Variants in LARP1B observed in about 807,000 individuals in gnomAD.
LARP1B encodes the protein La ribonucleoprotein 1B.
Under a neutral mutation model 114.2 loss-of-function variants are expected in LARP1B, and 76 were observed. That is an observed-to-expected ratio of 0.67 (90% CI 0.55 to 0.81). LARP1B has a LOEUF of 0.81. Among genes scored for constraint, LARP1B ranks in the 30% least tolerant of loss-of-function variants. The pLI is 0.00. For missense variants in LARP1B, 1,014 were observed against 1,075.8 expected (o/e 0.94, Z 0.80); for synonymous variants, 345 against 348.0 (o/e 0.99, Z 0.10).
At chr4:128,076,680 A>G (rs1368974359) in intron 3 of LARP1B, among the ~76,000 whole-genome samples, 3 of 152,134 alleles carry the variant, frequency 2.0e-5, no homozygotes, top group Admixed American at 2.0e-4. Flanking sequence ...CACTTCTATC[A>G]GCAGTGTACA....
chr4:128,209,776 T>TG (rs1758642303), intron 19 of LARP1B, 80 bp from the exon 20 acceptor site: 1 of 1,174,788 alleles, frequency 8.5e-7, no homozygotes, highest in African/African-American at 1.5e-5. Flanking sequence ...CTTACTTTTT[T>TG]GGGGAAAAGT....
intron 19 of LARP1B, among the ~76,000 whole-genome samples, chr4:128,209,166 C>T (rs945475076): frequency 3.9e-5 from 6 of 152,150 alleles, no homozygotes; most frequent in Non-Finnish European, 7.4e-5. Flanking sequence ...TGCCTGTAAT[C>T]TCAGCACTTT....
In LARP1B at chr4:128,155,743, G is replaced by T. The variant is rs527398753; in HGVS notation, c.1525-6451G>T. 8.7e-6 allele frequency: 14 copies of T among 1,608,492 alleles called. No homozygotes were observed. The South Asian group carries it at 1.5e-4, about 18-fold the overall frequency. On this transcript the variant is annotated intron_variant, in intron 11 of 19. Transcript: ENST00000326639. ...AAGGCCCGAGCGGAACAAGCTGGCT[G>T]CGGCCAAGTGTAGGAACTGGAGGAA...
At chr4:128,209,728 A>G (rs894181785) in intron 19 of LARP1B, 128 bp from the exon 20 acceptor site, 96 of 713,540 alleles carry the variant, frequency 1.3e-4, no homozygotes, top group African/African-American at 1.0e-3. Flanking sequence ...ATCAAAAAAA[A>G]AAAAAAAAAA....
intron 12 of LARP1B, among the ~76,000 whole-genome samples, chr4:128,166,991 T>C (rs4541525): frequency 0.3 from 41,913 of 138,274 alleles, 6,569 homozygotes; most frequent in East Asian, 0.42. Flanking sequence ...TATATATATA[T>C]ATACACACAC....
chr4:128,121,564 G>A (rs1002273061), intron 10 of LARP1B, among the ~76,000 whole-genome samples: 1 of 152,198 alleles, frequency 6.6e-6, no homozygotes, highest in African/African-American at 2.4e-5. Flanking sequence ...ATGAATCAGT[G>A]CAATGTAATG....
intron 1 of LARP1B, among the ~76,000 whole-genome samples, chr4:128,073,277 A>G (rs897064414): frequency 6.6e-6 from 1 of 151,582 alleles, no homozygotes; most frequent in Non-Finnish European, 1.5e-5. Context: ...TTAGCCAGGC[A>G]TGGTGGCAGG....
At chr4:128,098,767 A>ATATATTTTT (rs1328165907) in intron 8 of LARP1B, among the ~76,000 whole-genome samples, 19 of 35,032 alleles carry the variant, frequency 5.4e-4, no homozygotes, top group African/African-American at 2.1e-3. Flanking sequence ...ATATATATAT[A>ATATATTTTT]TTTTTTTTTT....
intron 12 of LARP1B, among the ~76,000 whole-genome samples, chr4:128,175,144 A>T (rs1745357771): frequency 6.6e-6 from 1 of 152,136 alleles, no homozygotes; most frequent in South Asian, 2.1e-4. Flanking sequence ...TCTTCTTCAT[A>T]TCATTTAGTA....
chr4:128,085,178 C>T (rs1361033451), intron 5 of LARP1B, among the ~76,000 whole-genome samples: 1 of 152,052 alleles, frequency 6.6e-6, no homozygotes, highest in African/African-American at 2.4e-5. Flanking sequence ...GATTATTAAC[C>T]TTGATTACTT....
intron 5 of LARP1B, among the ~76,000 whole-genome samples, chr4:128,083,233 G>T (rs1045436452): frequency 6.6e-6 from 1 of 152,140 alleles, no homozygotes; most frequent in Non-Finnish European, 1.5e-5. Context: ...CACAGACACG[G>T]CAACCATCCG....
chr4:128,171,411 G>T (rs1743654642), intron 12 of LARP1B, among the ~76,000 whole-genome samples: 1 of 152,066 alleles, frequency 6.6e-6, no homozygotes, highest in Non-Finnish European at 1.5e-5. Context: ...GGGATTATAG[G>T]CATGAATCAC....
intron 15 of LARP1B, among the ~76,000 whole-genome samples, chr4:128,185,899 A>G (rs1256138813): frequency 6.6e-6 from 1 of 152,060 alleles, no homozygotes; most frequent in Non-Finnish European, 1.5e-5. Flanking sequence ...CATTATGGTT[A>G]TCTAGTTTTC....
chr4:128,184,171 G>A (rs188821662), intron 15 of LARP1B, among the ~76,000 whole-genome samples: 1 of 152,326 alleles, frequency 6.6e-6, no homozygotes, highest in African/African-American at 2.4e-5. Context: ...ATTTTCAAAG[G>A]AGTTCTACTG....
chr4:128,195,580 G>A (rs1753801841), intron 15 of LARP1B, among the ~76,000 whole-genome samples: 1 of 152,084 alleles, frequency 6.6e-6, no homozygotes, highest in Admixed American at 6.6e-5. Flanking sequence ...TAGACAATAA[G>A]TTCTTTAATG....
rs561086102 is a variant in LARP1B, at chr4:128,061,664, C to G, written c.-78+263C>G. 552 of 984,852 alleles carry G rather than the reference C, an allele frequency of 5.6e-4. 1 individual carries two copies. In the African/African-American group the frequency reaches 9.3e-3, roughly 17 times the overall value. The allele number at this position is 984,852 out of a possible 1,614,324, so 61.0% of individuals were successfully genotyped here. A position where few individuals can be genotyped will look rare whatever the true frequency, so the allele number is the denominator to read the frequency against. On this transcript the variant is annotated intron_variant, in intron 1 of 19. Transcript: ENST00000326639. Reference sequence around the variant, plus strand: ...TCGGGTTCCCTGGCCTCGGGGCCACCCCGGCTGGGGCGGCTGGGGCAGAGG... The same window carrying G: ...TCGGGTTCCCTGGCCTCGGGGCCACGCCGGCTGGGGCGGCTGGGGCAGAGG...
chr4:128,069,398 C>T, intron 1 of LARP1B: 2 of 763,056 alleles, frequency 2.6e-6, no homozygotes. Context: ...AAGTTGCACC[C>T]TTAGGAACTG....
Position 128,211,189 on chromosome 4 carries a change from A to G in LARP1B, c.*1136A>G. 1.1e-6 allele frequency: 1 copy of G among 929,576 alleles called. No individual in the cohort carries two copies. Among genetic ancestry groups the G allele is most frequent in the Non-Finnish European group, 1.3e-6 (1 of 779,216 alleles). The allele number at this position is 929,576 out of a possible 1,614,324, so 57.6% of individuals were successfully genotyped here. The stretch of plus-strand genomic sequence containing the variant: ...TTTAGAATATAGTTGAAAAGCTGTA[A>G]TATTCAGTTTTGCTAGTAAAAGACC... On this transcript the variant is annotated 3_prime_UTR_variant, in exon 20 of 20. Transcript: ENST00000326639.
At chr4:128,146,527 CA>C (rs1201882405) in intron 11 of LARP1B, among the ~76,000 whole-genome samples, 1 of 151,874 alleles carries the variant, frequency 6.6e-6, no homozygotes, top group African/African-American at 2.4e-5. Flanking sequence ...AGTTCCAAAA[CA>C]GGGGAAATGA....
Sources: allele counts gnomAD v4.1 joint callset (sites outside exome capture counted in the v4.1 genomes callset), GRCh38; gene constraint gnomAD v4.1.1; transcripts MANE v1.5; gene names NCBI Gene and HGNC (gene_info 2026-07-23, HGNC 2026-07-21).